Variants in AAGAB observed in about 807,000 individuals in gnomAD.
The protein encoded by AAGAB is alpha and gamma adaptin binding protein.
AAGAB carries 38 observed loss-of-function variants against 44.1 expected under a neutral mutation model. The observed-to-expected ratio is 0.86, with a 90% CI of 0.67 to 1.13. The LOEUF (loss-of-function observed/expected upper bound fraction) is 1.13. Among genes scored for constraint, AAGAB ranks in the 50% most tolerant of loss-of-function variants. AAGAB has a pLI of 0.00. For synonymous variants in AAGAB, 131 were observed against 131.8 expected (o/e 0.99, Z 0.04); for missense variants, 450 against 373.8 (o/e 1.20, Z -1.68).
In AAGAB at chr15:67,251,597, T is replaced by A. The variant is rs139599674; in HGVS notation, c.73+2962A>T. On this transcript the variant is annotated intron_variant, in intron 1 of 9. Coordinates refer to ENST00000261880, the MANE Select transcript of AAGAB (RefSeq NM_024666.5). ...CTAATAAGCTGTTACTTGGTTATAT[T>A]TCCCACTGGTGGTTAAAAGCACTAA... Among the ~76,000 whole-genome samples the A allele has an allele frequency of 6.8e-4, 104 of 152,244 alleles. 4 individuals carry two copies. The East Asian group carries it at 0.012, about 17-fold the overall frequency.
At chr15:67,242,993 T>G (rs1964638936) in intron 1 of AAGAB, 1 of 152,228 alleles carries the variant, frequency 6.6e-6, no homozygotes, top group Non-Finnish European at 1.5e-5. Flanking sequence ...CATTTCCACA[T>G]GCTCGTAAGC....
At chr15:67,232,776 G>A (rs370763115) in intron 4 of AAGAB, 263 of 223,442 alleles carry the variant, frequency 1.2e-3, no homozygotes, top group Non-Finnish European at 2.1e-3. Flanking sequence ...ATGTAAGAAC[G>A]GCATGAAGAA....
intron 5 of AAGAB, among the ~76,000 whole-genome samples, chr15:67,215,901 A>C (rs2140353935): frequency 1.3e-5 from 2 of 152,302 alleles, no homozygotes; most frequent in Middle Eastern, 3.4e-3. Context: ...CCATTATTAA[A>C]AATAGTACTT....
chr15:67,221,569 T>C (rs1252117874), intron 5 of AAGAB, among the ~76,000 whole-genome samples: 1 of 152,148 alleles, frequency 6.6e-6, no homozygotes, highest in Non-Finnish European at 1.5e-5. Context: ...CCCAGTGCAG[T>C]TGAGGGCACA....
intron 4 of AAGAB, among the ~76,000 whole-genome samples, chr15:67,235,444 GA>G (rs1264769721): frequency 2.0e-5 from 3 of 152,174 alleles, no homozygotes; most frequent in African/African-American, 7.2e-5. Context: ...AAGGGGAGTA[GA>G]AGAGGGGAAG....
Position 67,212,317 on chromosome 15 carries a change from C to T in AAGAB, c.536-2773G>A, listed in dbSNP as rs535403896. 2.6e-5 allele frequency among the ~76,000 whole-genome samples: 4 copies of T among 151,906 alleles called. No individual in the cohort carries two copies. The East Asian group carries it at 7.7e-4, about 29-fold the overall frequency. On this transcript the variant is annotated intron_variant, in intron 5 of 9. Transcript: ENST00000261880. The stretch of plus-strand genomic sequence containing the variant: ...CATGTTCATGTATTATTTACCTATT[C>T]GAAGAGATTTTTTGAAATTTAATAA...
rs1964479384 is a variant in AAGAB, at chr15:67,236,760, T to C, written c.134A>G (p.Tyr45Cys). The change falls in exon 2 of 10, where the codon TAT becomes TGT. Residue 45 changes from tyrosine (Y) to cysteine (C), a missense_variant. Tyr to Cys is a radical substitution (Grantham distance 194, BLOSUM62 -2). Transcript: ENST00000261880. The part of the protein sequence containing the change: ...EVTSNDAVRF[Y>C]PWTIDNKYYS... ...GTATTTATTATCAATGGTCCAGGGA[T>C]AAAATCTCACAGCATCATTGGAAGT... 1 of 1,612,844 alleles carries C rather than the reference T, an allele frequency of 6.2e-7. No individual in the cohort carries two copies.
At position 67,236,533 on chromosome 15, in the gene AAGAB, A is replaced by G. The variant is rs745873731; in HGVS notation, c.265-29T>C. On this transcript the variant is annotated intron_variant, in intron 2 of 9. Transcript: ENST00000261880. Reference sequence around the variant, plus strand: ...GAGGGAACAAAAAATATAAACAAACAAAAACAGAAAAGAGATAGTCAGACA... The same window carrying G: ...GAGGGAACAAAAAATATAAACAAACGAAAACAGAAAAGAGATAGTCAGACA... 4 of 1,609,856 alleles carry G rather than the reference A, an allele frequency of 2.5e-6. No individual in the cohort carries two copies. In the East Asian group the frequency reaches 6.7e-5, roughly 27 times the overall value.
chr15:67,222,228 G>A (rs1291009388), intron 5 of AAGAB, among the ~76,000 whole-genome samples: 11 of 88,552 alleles, frequency 1.2e-4, no homozygotes, highest in African/African-American at 4.1e-4. Flanking sequence ...GCATGCACGC[G>A]CACGCGCGCG....
chr15:67,234,707 T>C (rs964024018), intron 4 of AAGAB, among the ~76,000 whole-genome samples: 1 of 152,116 alleles, frequency 6.6e-6, no homozygotes, highest in African/African-American at 2.4e-5. Flanking sequence ...TCCAAAATGA[T>C]AACAGTCAAA....
intron 5 of AAGAB, among the ~76,000 whole-genome samples, chr15:67,220,805 G>T (rs1964049074): frequency 1.3e-5 from 2 of 152,142 alleles, no homozygotes; most frequent in Non-Finnish European, 2.9e-5. Flanking sequence ...TTCTCAACTT[G>T]AATTAGGTAC....
intron 1 of AAGAB, chr15:67,243,009 A>G (rs1054958245): frequency 6.6e-6 from 1 of 152,144 alleles, no homozygotes; most frequent in Admixed American, 6.5e-5. Context: ...TAAGCTTTTT[A>G]TATCACAGTG....
Position 67,224,204 on chromosome 15 carries a change from T to C in AAGAB, c.535+7610A>G, listed in dbSNP as rs148486543. ...GATATATCCCAAACACACAGACCAATACTTTGCACAGAGCAAGTACTTAAG... is the reference window on the plus strand; with the variant it reads ...GATATATCCCAAACACACAGACCAACACTTTGCACAGAGCAAGTACTTAAG... On this transcript the variant is annotated intron_variant, in intron 5 of 9. Coordinates refer to ENST00000261880, the MANE Select transcript of AAGAB (RefSeq NM_024666.5). Among the ~76,000 whole-genome samples the C allele has an allele frequency of 1.8e-4, 28 of 152,336 alleles. 1 individual carries two copies. In the East Asian group the frequency reaches 5.4e-3, roughly 29 times the overall value.
intron 5 of AAGAB, among the ~76,000 whole-genome samples, chr15:67,224,021 T>C (rs1964143112): frequency 1.3e-5 from 2 of 152,216 alleles, no homozygotes; most frequent in Non-Finnish European, 2.9e-5. Context: ...TACAAAGCAA[T>C]CTCAATGTCC....
At position 67,242,195 on chromosome 15, in the gene AAGAB, G is replaced by A. The variant is rs989605524; in HGVS notation, c.74-5375C>T. ...TCCCAGCACTTTGGGAGGCCGAGGC[G>A]GGTGGATCATGAGGTCAGGAGATCG... On this transcript the variant is annotated intron_variant, in intron 1 of 9. Transcript: ENST00000261880. 2.4e-4 allele frequency among the ~76,000 whole-genome samples: 23 copies of A among 94,050 alleles called. 4 individuals carry two copies. The highest frequency in any genetic ancestry group is 4.0e-4 in the Non-Finnish European group (16 of 40,346). 61.7% of individuals were successfully genotyped at this position (94,050 alleles called of 152,430 possible).
chr15:67,237,965 AT>A (rs1363131809), intron 1 of AAGAB, among the ~76,000 whole-genome samples: 1 of 152,218 alleles, frequency 6.6e-6, no homozygotes, highest in Non-Finnish European at 1.5e-5. Context: ...TGGGGAAATT[AT>A]TTAGTCCAAA....
chr15:67,223,687 T>C (rs138210507), intron 5 of AAGAB, among the ~76,000 whole-genome samples: 31 of 152,332 alleles, frequency 2.0e-4, no homozygotes, highest in African/African-American at 7.0e-4. Flanking sequence ...TTTTTAGACT[T>C]TGTCAGATCA....
chr15:67,234,177 T>A (rs1964410662), intron 4 of AAGAB, among the ~76,000 whole-genome samples: 1 of 151,696 alleles, frequency 6.6e-6, no homozygotes, highest in Non-Finnish European at 1.5e-5. Flanking sequence ...GGCGTGAATC[T>A]AGGAGGTGGA....
At chr15:67,255,194 T>G, upstream of AAGAB, 1 of 565,602 alleles carries the variant, frequency 1.8e-6, no homozygotes, top group Non-Finnish European at 3.2e-6. Context: ...TCTAAAACCG[T>G]TCACCCGGAA....
Sources: gnomAD v4.1 joint callset for allele counts (sites outside exome capture counted in the v4.1 genomes callset) on GRCh38, gnomAD v4.1.1 for gene constraint, MANE v1.5 for transcripts, NCBI Gene and HGNC (gene_info 2026-07-23, HGNC 2026-07-21) for gene names.